The following PLCB1 variants were observed in gnomAD, a reference collection of about 807,000 sequenced individuals.
The protein encoded by PLCB1 is phospholipase C beta 1.
In PLCB1, 46 loss-of-function variants were observed where a neutral mutation model predicts 161.8. The ratio of observed to expected loss-of-function variants is 0.28; its 90% CI spans 0.22 to 0.36. The LOEUF (loss-of-function observed/expected upper bound fraction) is 0.36, where lower values mean the gene tolerates loss of function less well. PLCB1 is among the 10% of genes least tolerant of loss of function. The probability of loss-of-function intolerance (pLI) is 1.00; values close to 1 mark genes in which losing one functional copy is unlikely to be tolerated. For synonymous variants in PLCB1, 517 were observed against 503.7 expected (o/e 1.03, Z -0.35); for missense variants, 1,016 against 1,472.5 (o/e 0.69, Z 5.07).
intron 2 of PLCB1, among the ~76,000 whole-genome samples, chr20:8,159,485 C>T (rs1224368848): frequency 6.6e-6 from 1 of 152,112 alleles, no homozygotes; most frequent in Non-Finnish European, 1.5e-5. Context: ...AGCCATTTTC[C>T]CCATTGTCTT....
intron 10 of PLCB1, among the ~76,000 whole-genome samples, chr20:8,691,032 A>G (rs1475658234): frequency 1.3e-5 from 2 of 152,208 alleles, no homozygotes; most frequent in Non-Finnish European, 2.9e-5. Flanking sequence ...TAGAAACAAA[A>G]CTATATAAAA....
chr20:8,766,279 G>A (rs1286036836), intron 26 of PLCB1, among the ~76,000 whole-genome samples: 4 of 152,126 alleles, frequency 2.6e-5, no homozygotes, highest in African/African-American at 9.7e-5. Flanking sequence ...GCTGTGATGA[G>A]GACTATCAAG....
At chr20:8,323,878 G>A (rs1025508849) in intron 2 of PLCB1, among the ~76,000 whole-genome samples, 12 of 150,942 alleles carry the variant, frequency 8.0e-5, no homozygotes, top group African/African-American at 2.9e-4. Flanking sequence ...AAAAAAATCT[G>A]GCTAATTTAA....
intron 3 of PLCB1, among the ~76,000 whole-genome samples, chr20:8,517,581 C>T (rs1025899599): frequency 6.6e-6 from 1 of 152,156 alleles, no homozygotes. Flanking sequence ...AACACCCTCC[C>T]CCAGTGACCT....
intron 2 of PLCB1, among the ~76,000 whole-genome samples, chr20:8,219,291 T>A (rs1979290496): frequency 6.6e-6 from 1 of 152,208 alleles, no homozygotes; most frequent in South Asian, 2.1e-4. Flanking sequence ...TTTTAAGAAA[T>A]CGTATCAGTG....
At chr20:8,513,451 A>G (rs1162769522) in intron 3 of PLCB1, among the ~76,000 whole-genome samples, 1 of 152,240 alleles carries the variant, frequency 6.6e-6, no homozygotes, top group Non-Finnish European at 1.5e-5. Flanking sequence ...AAGACAAATT[A>G]CATTATTTTT....
At chr20:8,499,311 A>G (rs1228874566) in intron 3 of PLCB1, among the ~76,000 whole-genome samples, 3 of 152,238 alleles carry the variant, frequency 2.0e-5, no homozygotes, top group Non-Finnish European at 4.4e-5. Context: ...TCTTTTGTAC[A>G]TTCCACGGAA....
At chr20:8,461,371 C>A (rs1981570177) in intron 3 of PLCB1, among the ~76,000 whole-genome samples, 2 of 152,212 alleles carry the variant, frequency 1.3e-5, no homozygotes, top group Non-Finnish European at 2.9e-5. Context: ...GGCTCAGCCT[C>A]TACCACTTAC....
intron 3 of PLCB1, among the ~76,000 whole-genome samples, chr20:8,498,724 T>G (rs1194294062): frequency 5.3e-5 from 8 of 152,218 alleles, no homozygotes. Flanking sequence ...ACTCTTTGTT[T>G]AGGCTCATGT....
chr20:8,531,779 C>T (rs1342241674), intron 3 of PLCB1, among the ~76,000 whole-genome samples: 1 of 151,756 alleles, frequency 6.6e-6, no homozygotes, highest in East Asian at 1.9e-4. Context: ...TATGTATATG[C>T]ACACTTGTCT....
Position 8,511,293 on chromosome 20 carries a change from A to G in PLCB1, c.247-117001A>G, listed in dbSNP as rs80200414. ...CTCCAAGTTCATTCATGTTGTTGCA[A>G]ATGACAGAATTTGCTTCTTTTTTTT... On this transcript the variant is annotated intron_variant, in intron 3 of 31. Coordinates refer to ENST00000338037, the MANE Select transcript of PLCB1 (RefSeq NM_015192.4). 5.7e-4 allele frequency among the ~76,000 whole-genome samples: 87 copies of G among 152,246 alleles called. 6 individuals carry two copies. The East Asian group carries it at 0.017, about 29-fold the overall frequency.
At chr20:8,443,136 C>A (rs561542295) in intron 3 of PLCB1, among the ~76,000 whole-genome samples, 15 of 152,168 alleles carry the variant, frequency 9.9e-5, no homozygotes, top group Non-Finnish European at 1.3e-4. Context: ...TGCGTCACCA[C>A]ACCCAGCTAA....
At chr20:8,545,166 T>G (rs564718565) in intron 3 of PLCB1, among the ~76,000 whole-genome samples, 58 of 152,182 alleles carry the variant, frequency 3.8e-4, no homozygotes, top group Non-Finnish European at 7.1e-4. Context: ...TCGGAAACCT[T>G]CCTGAGAAAA....
At chr20:8,638,351 C>A (rs1319704286) in intron 4 of PLCB1, among the ~76,000 whole-genome samples, 1 of 151,720 alleles carries the variant, frequency 6.6e-6, no homozygotes, top group African/African-American at 2.4e-5. Flanking sequence ...GTAGAGGTGA[C>A]AGGGAGGAAA....
At chr20:8,843,737 T>A (rs940109422) in intron 31 of PLCB1, among the ~76,000 whole-genome samples, 6 of 152,356 alleles carry the variant, frequency 3.9e-5, no homozygotes, top group African/African-American at 1.4e-4. Flanking sequence ...AGAGAGTCCA[T>A]GTGTTTGAAT....
chr20:8,842,738 T>A (rs1220758676), intron 31 of PLCB1, among the ~76,000 whole-genome samples: 1 of 152,258 alleles, frequency 6.6e-6, no homozygotes, highest in Middle Eastern at 3.4e-3. Flanking sequence ...GGGGGCTGCA[T>A]GCACCGGTAA....
At chr20:8,166,378 CT>C (rs2051675141) in intron 2 of PLCB1, among the ~76,000 whole-genome samples, 1 of 151,066 alleles carries the variant, frequency 6.6e-6, no homozygotes, top group Admixed American at 6.6e-5. Flanking sequence ...CCCCATTTTC[CT>C]CGAAACACTT....
At chr20:8,814,076 A>T (rs1243435250) in intron 31 of PLCB1, among the ~76,000 whole-genome samples, 1 of 152,134 alleles carries the variant, frequency 6.6e-6, no homozygotes, top group Non-Finnish European at 1.5e-5. Flanking sequence ...TTTTTATTTA[A>T]ATTTTGTGCC....
At chr20:8,523,490 C>CCA (rs1206489907) in intron 3 of PLCB1, among the ~76,000 whole-genome samples, 2,856 of 67,552 alleles carry the variant, frequency 0.042, 545 homozygotes, top group African/African-American at 0.11. Context: ...CTCTCTCTCT[C>CCA]TCTCTCTATA....
Sources: gnomAD v4.1 joint callset for allele counts (sites outside exome capture counted in the v4.1 genomes callset) on GRCh38, gnomAD v4.1.1 for gene constraint, MANE v1.5 for transcripts, NCBI Gene and HGNC (gene_info 2026-07-23, HGNC 2026-07-21) for gene names.